The following GRB10 variants were observed in gnomAD, a reference collection of about 807,000 sequenced individuals.
GRB10 encodes growth factor receptor bound protein 10, also known as growth factor receptor-bound protein 10.
In GRB10, 20 loss-of-function variants were observed where a neutral mutation model predicts 80.9. The observed-to-expected ratio is 0.25, with a 90% confidence interval of 0.17 to 0.36. The LOEUF is 0.36. Ranked by LOEUF, GRB10 falls within the 10% of genes least tolerant of loss-of-function variation. The pLI is 1.00. For synonymous variants in GRB10, 291 were observed against 291.5 expected, an observed-to-expected ratio of 1.00 and a Z score of 0.02; for missense variants, 548 against 747.7, an observed-to-expected ratio of 0.73 and a Z score of 3.12.
At chr7:50,682,092 G>C (rs568964344) in intron 5 of GRB10, among the ~76,000 whole-genome samples, 1 of 152,210 alleles carries the variant, frequency 6.6e-6, no homozygotes, top group African/African-American at 2.4e-5. Context: ...TTGCCCCCCA[G>C]CACTGGCCAC....
intron 3 of GRB10, among the ~76,000 whole-genome samples, chr7:50,748,794 ACT>A (rs1361327466): frequency 4.6e-5 from 7 of 152,152 alleles, no homozygotes; most frequent in Admixed American, 1.3e-4. Context: ...GACCACAAAG[ACT>A]CTGAAGTAAA....
intron 5 of GRB10, among the ~76,000 whole-genome samples, chr7:50,692,160 G>C (rs962718372): frequency 6.6e-6 from 1 of 152,130 alleles, no homozygotes; most frequent in African/African-American, 2.4e-5. Flanking sequence ...ATCTAGAGAT[G>C]ATTTAAAGTA....
In GRB10 at chr7:50,592,680, ATCAT is replaced by A. The variant is rs2045960315; in HGVS notation, c.*268_*271del. ...TTCCTAAGCGGCCCAAGCCAAGATG[ATCAT>A]TCCAGTTTATTTTCAACTTTCCGCT... On this transcript the variant is annotated 3_prime_UTR_variant, in exon 19 of 19. Coordinates refer to ENST00000401949, the MANE Select transcript of GRB10 (RefSeq NM_001350814.2). 4 of 513,520 alleles carry A rather than the reference ATCAT, an allele frequency of 7.8e-6. No individual in the cohort carries two copies. Among genetic ancestry groups the A allele is most frequent in the South Asian group, 2.1e-5 (1 of 47,258 alleles). 31.8% of individuals were successfully genotyped at this position (513,520 alleles called of 1,614,324 possible).
At chr7:50,738,060 G>A (rs185015926) in intron 3 of GRB10, among the ~76,000 whole-genome samples, 2 of 152,204 alleles carry the variant, frequency 1.3e-5, no homozygotes, top group African/African-American at 4.8e-5. Flanking sequence ...AATCAGAACT[G>A]CAACAAGATA....
At chr7:50,647,535 C>A (rs2057375330) in intron 7 of GRB10, among the ~76,000 whole-genome samples, 1 of 152,246 alleles carries the variant, frequency 6.6e-6, no homozygotes, top group East Asian at 1.9e-4. Flanking sequence ...TGGAATAAAA[C>A]CCCTTGACTT....
intron 7 of GRB10, among the ~76,000 whole-genome samples, chr7:50,645,873 C>A (rs758367504): frequency 1.3e-5 from 2 of 152,174 alleles, no homozygotes; most frequent in South Asian, 2.1e-4. Flanking sequence ...AGCCACATTG[C>A]GAGGAACTGC....
intron 3 of GRB10, among the ~76,000 whole-genome samples, chr7:50,750,874 T>C (rs2074004616): frequency 6.6e-6 from 1 of 152,190 alleles, no homozygotes; most frequent in African/African-American, 2.4e-5. Context: ...GTCAGAAGGA[T>C]GGATGGGCCC....
chr7:50,681,018 C>A (rs560575285), intron 5 of GRB10, among the ~76,000 whole-genome samples: 2 of 152,326 alleles, frequency 1.3e-5, no homozygotes, highest in Non-Finnish European at 2.9e-5. Flanking sequence ...ACTACTGATT[C>A]TCTGCTTTCA....
intron 8 of GRB10, among the ~76,000 whole-genome samples, chr7:50,622,960 A>T (rs6976663): frequency 0.056 from 8,483 of 152,122 alleles, 541 homozygotes; most frequent in African/African-American, 0.16. Flanking sequence ...CTGGCCAAAA[A>T]TATCTTTTAA....
intron 7 of GRB10, among the ~76,000 whole-genome samples, chr7:50,634,836 G>A (rs981551625): frequency 5.3e-5 from 8 of 152,172 alleles, no homozygotes; most frequent in Admixed American, 1.3e-4. Context: ...AATACAAGAG[G>A]ACATAAATTT....
At chr7:50,779,210 C>G (rs879453517) in intron 2 of GRB10, 2 of 152,144 alleles carry the variant, frequency 1.3e-5, no homozygotes, top group African/African-American at 2.4e-5. Flanking sequence ...TGCATTAAGA[C>G]CTTACTGCAC....
At chr7:50,740,928 C>A (rs998984202) in intron 3 of GRB10, among the ~76,000 whole-genome samples, 1 of 150,768 alleles carries the variant, frequency 6.6e-6, no homozygotes, top group Non-Finnish European at 1.5e-5. Flanking sequence ...ACAATGCAAA[C>A]AAAATAAAAG....
At chr7:50,729,630 C>T (rs2069280296) in intron 4 of GRB10, among the ~76,000 whole-genome samples, 1 of 152,148 alleles carries the variant, frequency 6.6e-6, no homozygotes, top group Admixed American at 6.5e-5. Flanking sequence ...GCTCTGGACT[C>T]TGCCGTGGCA....
intron 1 of GRB10, among the ~76,000 whole-genome samples, chr7:50,787,975 TC>T (rs2078764434): frequency 6.6e-6 from 1 of 152,000 alleles, no homozygotes; most frequent in African/African-American, 2.4e-5. Context: ...CCCAGCCAGC[TC>T]AACTTCCCAC....
At chr7:50,670,873 G>A (rs2060287028) in intron 6 of GRB10, among the ~76,000 whole-genome samples, 1 of 152,124 alleles carries the variant, frequency 6.6e-6, no homozygotes, top group Non-Finnish European at 1.5e-5. Flanking sequence ...GTCCACATTA[G>A]AAACACACCT....
chr7:50,628,375 G>A (rs1233781972), intron 7 of GRB10, among the ~76,000 whole-genome samples: 1 of 152,182 alleles, frequency 6.6e-6, no homozygotes, highest in African/African-American at 2.4e-5. Flanking sequence ...TACTTGCTCT[G>A]AACTTTGATT....
rs1422770389 is a variant in GRB10 at position 50,590,327 on chromosome 7, C to T, written c.*2625G>A. 2.6e-4 allele frequency: 40 copies of T among 152,214 alleles called. 1 individual carries two copies. The highest frequency in any genetic ancestry group is 2.6e-3 in the Admixed American group (40 of 15,282). 9.4% of individuals were successfully genotyped at this position (152,214 alleles called of 1,614,324 possible). ...CATCACAAATCTACCGCCAGCTTGC[C>T]CGCCCCCAGAAAGGCGCAGAGATCG... On this transcript the variant is annotated 3_prime_UTR_variant, in exon 19 of 19. Transcript: ENST00000401949.
chr7:50,673,003 G>A (rs1022641820), intron 6 of GRB10, among the ~76,000 whole-genome samples: 25 of 152,204 alleles, frequency 1.6e-4, no homozygotes, highest in African/African-American at 5.3e-4. Flanking sequence ...AGCTGACCAC[G>A]GGCGCCAGGG....
intron 17 of GRB10, among the ~76,000 whole-genome samples, chr7:50,603,483 C>T (rs753872023): frequency 6.6e-6 from 1 of 152,230 alleles, no homozygotes; most frequent in African/African-American, 2.4e-5. Context: ...GCCACGGCAA[C>T]AGCTCACAGC....
Sources: gnomAD v4.1 joint callset for allele counts (sites outside exome capture counted in the v4.1 genomes callset) on GRCh38, gnomAD v4.1.1 for gene constraint, MANE v1.5 for transcripts, NCBI Gene and HGNC (gene_info 2026-07-23, HGNC 2026-07-21) for gene names.